Variants in PPP2R5C observed in about 807,000 individuals in gnomAD.
PPP2R5C encodes serine/threonine-protein phosphatase 2A 56 kDa regulatory subunit gamma isoform.
In PPP2R5C, 7 loss-of-function variants were observed where a neutral mutation model predicts 68.9. The observed-to-expected ratio is 0.10, with a 90% CI of 0.06 to 0.19. The LOEUF (loss-of-function observed/expected upper bound fraction) is 0.19, where lower values mean the gene tolerates loss of function less well. Ranked by LOEUF, PPP2R5C falls within the 10% of genes least tolerant of loss-of-function variation. The pLI is 1.00. For missense variants in PPP2R5C, 348 were observed against 641.3 expected, an observed-to-expected ratio of 0.54 and a Z score of 4.94; for synonymous variants, 210 against 222.2, an observed-to-expected ratio of 0.95 and a Z score of 0.49.
intron 2 of PPP2R5C, among the ~76,000 whole-genome samples, chr14:101,872,697 C>G (rs1189609406): frequency 6.6e-6 from 1 of 152,200 alleles, no homozygotes; most frequent in East Asian, 1.9e-4. Context: ...CTTTCCCCCT[C>G]TGGGAGCTTT....
At chr14:101,860,775 G>A (rs1420326036) in intron 2 of PPP2R5C, among the ~76,000 whole-genome samples, 2 of 152,232 alleles carry the variant, frequency 1.3e-5, no homozygotes, top group Admixed American at 6.5e-5. Flanking sequence ...ACAACCAGTT[G>A]TGTTGAGCAT....
intron 2 of PPP2R5C, among the ~76,000 whole-genome samples, chr14:101,869,287 G>A (rs1461508584): frequency 2.0e-5 from 3 of 152,164 alleles, no homozygotes; most frequent in African/African-American, 7.2e-5. Flanking sequence ...TTCCTTCTCA[G>A]TGTTGTCTCA....
rs912910061 is a variant in PPP2R5C, at chr14:101,891,461, A to T, written c.689+1165A>T. On this transcript the variant is annotated intron_variant, in intron 6 of 13. Transcript: ENST00000334743. The surrounding 1 kb of genome is among the most constrained non-coding windows in gnomAD (Gnocchi z 4.9). ...TGCAGTGCAGTGAGTGGTGAAGAGG[A>T]TGCCTCTCTTACTAGATGTGTGACC... Among the ~76,000 whole-genome samples, 1 of 137,462 alleles carries T rather than the reference A, an allele frequency of 7.3e-6. No individual in the cohort carries two copies. Among genetic ancestry groups the T allele is most frequent in the Admixed American group, 6.9e-5 (1 of 14,546 alleles). The allele number at this position is 137,462 out of a possible 152,430, so 90.2% of individuals were successfully genotyped here. A position where few individuals can be genotyped will look rare whatever the true frequency, so the allele number is the denominator to read the frequency against.
At chr14:101,925,321 T>C (rs745823197) in exon 14 of PPP2R5C, 21 of 1,603,986 alleles carry the variant, frequency 1.3e-5, no homozygotes, top group Non-Finnish European at 1.8e-5. Flanking sequence ...TTTTCCGGAT[T>C]CTGTAGAAAA....
At chr14:101,773,066 C>T (rs2037236088) in intron 2 of PPP2R5C, among the ~76,000 whole-genome samples, 1 of 152,176 alleles carries the variant, frequency 6.6e-6, no homozygotes, top group East Asian at 1.9e-4. Flanking sequence ...CGGCTTCCCT[C>T]CAGGGGATTC....
rs1056827456 is a variant in PPP2R5C, at chr14:101,913,456, A to G, written c.1326+983A>G. ...ATACTCTGATAAAACTGCAATCAGG[A>G]AACTCAAATCAGGAAAACGGAATGA... On this transcript the variant is annotated intron_variant, in intron 12 of 13. Transcript: ENST00000334743. This position sits in a 1 kb window ranked among gnomAD's most constrained non-coding sequence, Gnocchi z 4.1. Among the ~76,000 whole-genome samples, 1 of 152,268 alleles carries G rather than the reference A, an allele frequency of 6.6e-6. No homozygotes were observed. Among genetic ancestry groups the G allele is most frequent in the African/African-American group, 2.4e-5 (1 of 41,468 alleles).
At chr14:101,760,624 G>T (rs530606866), upstream of PPP2R5C, 2 of 833,672 alleles carry the variant, frequency 2.4e-6, no homozygotes, top group African/African-American at 3.9e-5. Context: ...TGTCGGGTAG[G>T]CGGGACCTTG....
intron 9 of PPP2R5C, among the ~76,000 whole-genome samples, chr14:101,902,788 A>G (rs2141035721): frequency 6.6e-6 from 1 of 152,308 alleles, no homozygotes; most frequent in South Asian, 2.1e-4. Context: ...ATGGTTTTGG[A>G]AAGAGATCAT....
At chr14:101,880,369 T>C (rs2044079630) in intron 2 of PPP2R5C, among the ~76,000 whole-genome samples, 1 of 152,134 alleles carries the variant, frequency 6.6e-6, no homozygotes. Flanking sequence ...TTACGTCAGC[T>C]CCCCTCTCAG....
chr14:101,793,866 C>G (rs2038483318), intron 3 of PPP2R5C, among the ~76,000 whole-genome samples: 1 of 152,192 alleles, frequency 6.6e-6, no homozygotes, highest in Admixed American at 6.5e-5. Context: ...GGAAGGTAAT[C>G]TTCCCCTGAA....
intron 3 of PPP2R5C, among the ~76,000 whole-genome samples, chr14:101,802,546 A>G (rs1448937816): frequency 6.6e-6 from 1 of 152,224 alleles, no homozygotes; most frequent in African/African-American, 2.4e-5. Flanking sequence ...TAGGAGAAAG[A>G]TTTCATGACA....
In PPP2R5C at chr14:101,781,714, AGCCG is replaced by A. The variant is rs1334442338; in HGVS notation, c.94-4300_94-4297del. ...CTCGCCCCGGAGCCCGGAGGAGGGG[AGCCG>A]GCCACCCGGGGAAGAAGCGGAGGAC... On this transcript the variant is annotated intron_variant, in intron 2 of 14. Coordinates refer to the PPP2R5C transcript ENST00000328724. The surrounding 1 kb of genome is among the most constrained non-coding windows in gnomAD (Gnocchi z 6.4). Among the ~76,000 whole-genome samples, 2 of 151,900 alleles carry A rather than the reference AGCCG, an allele frequency of 1.3e-5. No individual in the cohort carries two copies. The highest frequency in any genetic ancestry group is 1.5e-5 in the Non-Finnish European group (1 of 67,922).
chr14:101,891,624 C>T lies in PPP2R5C; in HGVS notation c.689+1328C>T, dbSNP rs1037784557. The stretch of plus-strand genomic sequence containing the variant: ...AGGGCCCCCGTGTGCATAGGGCCGC[C>T]GGGCAGCTCCCGCCGAGAGGCTGAT... On this transcript the variant is annotated intron_variant, in intron 6 of 13. Transcript: ENST00000334743. The surrounding 1 kb of genome is among the most constrained non-coding windows in gnomAD (Gnocchi z 4.9). Among the ~76,000 whole-genome samples the T allele has an allele frequency of 2.6e-5, 4 of 152,118 alleles. No homozygotes were observed. Among genetic ancestry groups the T allele is most frequent in the Non-Finnish European group, 4.4e-5 (3 of 68,002 alleles).
At chr14:101,914,498 A>G (rs1420500609) in intron 12 of PPP2R5C, 1 of 171,052 alleles carries the variant, frequency 5.8e-6, no homozygotes, top group Non-Finnish European at 1.3e-5. Context: ...TAGTGAAAAT[A>G]GTTGGGTTTT....
chr14:101,771,222 C>CGTGT (rs3993402), intron 2 of PPP2R5C, among the ~76,000 whole-genome samples: 29,197 of 135,104 alleles, frequency 0.22, 3,281 homozygotes, highest in Middle Eastern at 0.33. Context: ...TTCTTCATCT[C>CGTGT]GTGTGTGTGT....
chr14:101,846,116 C>G (rs1202254892), intron 1 of PPP2R5C, among the ~76,000 whole-genome samples: 4 of 152,210 alleles, frequency 2.6e-5, no homozygotes, highest in Non-Finnish European at 5.9e-5. Context: ...CAGCCACATG[C>G]TGGAACCGGG....
intron 1 of PPP2R5C, among the ~76,000 whole-genome samples, chr14:101,830,000 G>C (rs896125084): frequency 6.6e-6 from 1 of 151,930 alleles, no homozygotes; most frequent in African/African-American, 2.4e-5. Context: ...GACCCAAGTT[G>C]TTGCTTAGCT....
chr14:101,878,153 T>G (rs1209156498), intron 2 of PPP2R5C, among the ~76,000 whole-genome samples: 1 of 152,198 alleles, frequency 6.6e-6, no homozygotes, highest in Non-Finnish European at 1.5e-5. Context: ...CATCCCTCCT[T>G]ACAAAGACAC....
intron 10 of PPP2R5C, among the ~76,000 whole-genome samples, chr14:101,907,944 T>C (rs1216796025): frequency 6.6e-6 from 1 of 152,124 alleles, no homozygotes; most frequent in Non-Finnish European, 1.5e-5. Flanking sequence ...TCCACTCGCG[T>C]CAAGTCTTCT....
Sources: gnomAD v4.1 joint callset for allele counts (sites outside exome capture counted in the v4.1 genomes callset) on GRCh38, gnomAD v4.1.1 for gene constraint, Gnocchi (gnomAD v3.1) non-coding constraint, MANE v1.5 for transcripts, NCBI Gene and HGNC (gene_info 2026-07-23, HGNC 2026-07-21) for gene names.